SYPL1: variants seen among roughly 807,000 people sequenced by gnomAD.
The protein encoded by SYPL1 is synaptophysin-like protein 1.
In SYPL1, 6 loss-of-function variants were observed where a neutral mutation model predicts 23.7. The observed-to-expected ratio is 0.25, with a 90% CI of 0.14 to 0.50. The LOEUF (loss-of-function observed/expected upper bound fraction) is 0.50, where lower values mean the gene tolerates loss of function less well. Ranked by LOEUF, SYPL1 falls within the 20% of genes least tolerant of loss-of-function variation. The pLI, the probability that SYPL1 is intolerant of heterozygous loss-of-function variation, is 0.98. For missense variants in SYPL1, 253 were observed against 288.9 expected, an observed-to-expected ratio of 0.88 and a Z score of 0.90; for synonymous variants, 102 against 104.5, an observed-to-expected ratio of 0.98 and a Z score of 0.15.
intron 1 of SYPL1, among the ~76,000 whole-genome samples, chr7:106,110,175 C>T (rs914143425): frequency 6.6e-6 from 1 of 152,162 alleles, no homozygotes; most frequent in African/African-American, 2.4e-5. Context: ...CCTCTGAAAT[C>T]TTTTCAGAAC....
chr7:106,112,203 G>A lies in SYPL1; in HGVS notation c.6C>T (p.Ser2=). M[S]GFQINLNPLK... ...GCGGGTTGAGGTTGATCTGGAAGCC[G>A]GACATCCTCTGAGGAAAGGAGGGAG... is the stretch of plus-strand genomic sequence containing the variant. The change falls in exon 1 of 5, where the codon TCC becomes TCT. Residue 2 remains serine (S), a synonymous_variant. Coordinates refer to ENST00000455385, the MANE Select transcript of SYPL1 (RefSeq NM_182715.4). The A allele has an allele frequency of 5.8e-6, 9 of 1,543,978 alleles. No homozygotes were observed. Among genetic ancestry groups the A allele is most frequent in the Non-Finnish European group, 7.9e-6 (9 of 1,137,550 alleles).
chr7:106,102,368 T>TTG (rs1840371324), intron 1 of SYPL1, among the ~76,000 whole-genome samples: 1 of 152,230 alleles, frequency 6.6e-6, no homozygotes, highest in Non-Finnish European at 1.5e-5. Context: ...AGTGCTGGGA[T>TTG]TACAGGCTTG....
chr7:106,099,345 C>A, intron 1 of SYPL1, 63 bp from the exon 2 acceptor site: 1 of 1,539,198 alleles, frequency 6.5e-7, no homozygotes, highest in South Asian at 1.2e-5. Flanking sequence ...ACAACCAAAA[C>A]AAGGGTCACT....
At position 106,091,785 on chromosome 7, in the gene SYPL1, C is replaced by G; in HGVS notation, c.*20G>C. 6.2e-7 allele frequency: 1 copy of G among 1,600,590 alleles called. No homozygotes were observed. Among genetic ancestry groups the G allele is most frequent in the Non-Finnish European group, 8.5e-7 (1 of 1,175,918 alleles). ...TCATAGTATCAACATATACTTCATACAGTGTATTTCTCCCTTTAATTATAT... is the reference window on the plus strand; with the variant it reads ...TCATAGTATCAACATATACTTCATAGAGTGTATTTCTCCCTTTAATTATAT... On this transcript the variant is annotated 3_prime_UTR_variant, in exon 5 of 5. Transcript: ENST00000455385. The surrounding 1 kb of genome is among the most constrained non-coding windows in gnomAD (Gnocchi z 5.0).
chr7:106,092,034 A>G (rs892776421), intron 4 of SYPL1, 95 bp from the exon 5 acceptor site: 1 of 1,236,038 alleles, frequency 8.1e-7, no homozygotes, highest in African/African-American at 1.5e-5. Context: ...AATATTTAAC[A>G]TTTTTAGGAA....
intron 1 of SYPL1, among the ~76,000 whole-genome samples, chr7:106,101,894 G>C (rs1840343782): frequency 6.6e-6 from 1 of 151,998 alleles, no homozygotes; most frequent in Admixed American, 6.6e-5. Context: ...GAGTTGATTT[G>C]TAGATCACGG....
chr7:106,092,840 G>A, intron 4 of SYPL1, 109 bp downstream of exon 4: 2 of 984,302 alleles, frequency 2.0e-6, no homozygotes, highest in Admixed American at 3.3e-5. Flanking sequence ...AGGTAGCTGA[G>A]TAAAAATAAA....
chr7:106,090,573 A>G lies in SYPL1; in HGVS notation c.*1232T>C, dbSNP rs1409260099. On this transcript the variant is annotated 3_prime_UTR_variant, in exon 5 of 5. Coordinates refer to ENST00000455385, the MANE Select transcript of SYPL1 (RefSeq NM_182715.4). Reference sequence around the variant, plus strand: ...CATTCTTATATTGACAATTCTTGTCATGAATAAAAGCATCAAAAATAAGGC... The same window carrying G: ...CATTCTTATATTGACAATTCTTGTCGTGAATAAAAGCATCAAAAATAAGGC... 6.5e-6 allele frequency: 1 copy of G among 152,692 alleles called. No homozygotes were observed. Among genetic ancestry groups the G allele is most frequent in the Non-Finnish European group, 1.5e-5 (1 of 68,040 alleles). The allele number at this position is 152,692 out of a possible 1,614,324, so 9.5% of individuals were successfully genotyped here. A position where few individuals can be genotyped will look rare whatever the true frequency, so the allele number is the denominator to read the frequency against.
Position 106,100,523 on chromosome 7 carries a change from G to C in SYPL1, c.70-1241C>G, listed in dbSNP as rs1840257983. ...ATAATTCCTTTTTATTTTTGTACTTGTGAATTTTCTACAAAACAACACAAG... is the reference window on the plus strand; with the variant it reads ...ATAATTCCTTTTTATTTTTGTACTTCTGAATTTTCTACAAAACAACACAAG... On this transcript the variant is annotated intron_variant, in intron 1 of 4. Transcript: ENST00000455385. The surrounding 1 kb of genome is among the most constrained non-coding windows in gnomAD (Gnocchi z 5.1). 6.6e-6 allele frequency among the ~76,000 whole-genome samples: 1 copy of C among 152,110 alleles called. No individual in the cohort carries two copies. The highest frequency in any genetic ancestry group is 2.1e-4 in the South Asian group (1 of 4,824).
rs1839811928 is a variant in SYPL1, at chr7:106,092,883, T to C, written c.591+66A>G. 3.8e-6 allele frequency: 5 copies of C among 1,318,470 alleles called. No homozygotes were observed. In the Admixed American group the frequency reaches 1.2e-4, roughly 32 times the overall value. 81.7% of individuals were successfully genotyped at this position (1,318,470 alleles called of 1,614,324 possible). A position where few individuals can be genotyped will look rare whatever the true frequency, so the allele number is the denominator to read the frequency against. On this transcript the variant is annotated intron_variant, in intron 4 of 4. Coordinates refer to ENST00000455385, the MANE Select transcript of SYPL1 (RefSeq NM_182715.4). Reference sequence around the variant, plus strand: ...CAGAGATTTACTGAAAGCTATTGCTTTCCTGAATTACTAGTACTTTAAACA... The same window carrying C: ...CAGAGATTTACTGAAAGCTATTGCTCTCCTGAATTACTAGTACTTTAAACA...
chr7:106,108,063 C>T (rs978640940), intron 1 of SYPL1, among the ~76,000 whole-genome samples: 8 of 151,846 alleles, frequency 5.3e-5, no homozygotes, highest in Admixed American at 3.3e-4. Context: ...GATGTAGTGG[C>T]GAGCGCCTGT....
At chr7:106,102,458 C>T (rs1840378700) in intron 1 of SYPL1, among the ~76,000 whole-genome samples, 1 of 152,188 alleles carries the variant, frequency 6.6e-6, no homozygotes, top group South Asian at 2.1e-4. Context: ...CCGGGGGAAG[C>T]CAGTGGCCAT....
At chr7:106,108,470 TATGGTC>T (rs1840731439) in intron 1 of SYPL1, among the ~76,000 whole-genome samples, 1 of 152,166 alleles carries the variant, frequency 6.6e-6, no homozygotes, top group African/African-American at 2.4e-5. Context: ...CTAGCGGCTT[TATGGTC>T]ATGGTCATTT....
chr7:106,098,193 GT>G (rs1840128815), intron 2 of SYPL1, among the ~76,000 whole-genome samples: 2 of 152,104 alleles, frequency 1.3e-5, no homozygotes, highest in African/African-American at 4.8e-5. Flanking sequence ...ATACCAAATG[GT>G]TTATACTTTG....
Position 106,092,888 on chromosome 7 carries a change from G to A in SYPL1, c.591+61C>T, listed in dbSNP as rs530385031. ...ATTTACTGAAAGCTATTGCTTTCCT[G>A]AATTACTAGTACTTTAAACAAATAT... On this transcript the variant is annotated intron_variant, in intron 4 of 4. Coordinates refer to ENST00000455385, the MANE Select transcript of SYPL1 (RefSeq NM_182715.4). 12 of 1,340,010 alleles carry A rather than the reference G, an allele frequency of 9.0e-6. No individual in the cohort carries two copies. The African/African-American group carries it at 1.8e-4, about 20-fold the overall frequency. The allele number at this position is 1,340,010 out of a possible 1,614,324, so 83.0% of individuals were successfully genotyped here.
chr7:106,112,318 C>T, upstream of SYPL1: 1 of 1,302,866 alleles, frequency 7.7e-7, no homozygotes, highest in Non-Finnish European at 9.8e-7. Flanking sequence ...GGCGCGCTGG[C>T]CGGGCTCGGA....
In SYPL1 at chr7:106,104,542, T is replaced by A. The variant is rs1840493278; in HGVS notation, c.70-5260A>T. On this transcript the variant is annotated intron_variant, in intron 1 of 4. Transcript: ENST00000455385. This position sits in a 1 kb window ranked among gnomAD's most constrained non-coding sequence, Gnocchi z 4.1. Reference sequence around the variant, plus strand: ...CTTTGCACCTGGTTTTGTTTAGGATTTTCAGTGACTAGCAGAAAACCTGGC... The same window carrying A: ...CTTTGCACCTGGTTTTGTTTAGGATATTCAGTGACTAGCAGAAAACCTGGC... Among the ~76,000 whole-genome samples the A allele has an allele frequency of 1.3e-5, 2 of 152,208 alleles. No homozygotes were observed. The highest frequency in any genetic ancestry group is 1.3e-4 in the Admixed American group (2 of 15,278).
chr7:106,106,830 G>A (rs1031776267), intron 1 of SYPL1, among the ~76,000 whole-genome samples: 1 of 152,062 alleles, frequency 6.6e-6, no homozygotes, highest in Non-Finnish European at 1.5e-5. Flanking sequence ...TGGGTGACAA[G>A]AGTGAGACCC....
At chr7:106,108,136 T>C (rs1347644938) in intron 1 of SYPL1, among the ~76,000 whole-genome samples, 1 of 151,342 alleles carries the variant, frequency 6.6e-6, no homozygotes, top group African/African-American at 2.4e-5. Flanking sequence ...CGAGGTTGCA[T>C]TGAGCCGAGA....
Sources: allele counts gnomAD v4.1 joint callset (sites outside exome capture counted in the v4.1 genomes callset), GRCh38; gene constraint gnomAD v4.1.1; non-coding constraint Gnocchi (gnomAD v3.1); transcripts MANE v1.5; gene names NCBI Gene and HGNC (gene_info 2026-07-23, HGNC 2026-07-21).